The following SMPX variants were observed in gnomAD, a reference collection of about 807,000 sequenced individuals.
SMPX encodes small muscle protein X-linked.
In SMPX, 2 loss-of-function variants were observed where a neutral mutation model predicts 6.3. That is an observed-to-expected ratio of 0.32 (90% confidence interval 0.13 to 0.99). The LOEUF (loss-of-function observed/expected upper bound fraction) is 0.99. Among genes scored for constraint, SMPX ranks in the 50% least tolerant of loss-of-function variants. The probability of loss-of-function intolerance (pLI) is 0.49; values close to 1 mark genes in which losing one functional copy is unlikely to be tolerated. For missense variants in SMPX, 60 were observed against 66.8 expected (o/e 0.90, Z 0.36); for synonymous variants, 32 against 24.7 (o/e 1.30, Z -0.88).
Position 21,722,993 on chromosome X carries a change from G to C in SMPX, c.*14+14556C>G, listed in dbSNP as rs771687698. Among the ~76,000 whole-genome samples, 18 of 111,883 alleles carry C rather than the reference G, an allele frequency of 1.6e-4. No homozygotes were observed. In the South Asian group the frequency reaches 5.3e-3, roughly 33 times the overall value. ...CTTAGTATATATAAATTTCAGCAAA[G>C]AAATCTGACCAAGCTTCTCACTGTA... On this transcript the variant is annotated intron_variant, in intron 4 of 4. Transcript: ENST00000379494.
intron 4 of SMPX, among the ~76,000 whole-genome samples, chrX:21,720,783 A>G (rs768936734): frequency 3.6e-4 from 41 of 112,561 alleles, no homozygotes; most frequent in Admixed American, 1.3e-3. Flanking sequence ...TGGGCAACAC[A>G]GCTGGCTGAC....
chrX:21,724,750 G>C lies in SMPX; in HGVS notation c.*14+12799C>G, dbSNP rs1170452795. 2.7e-5 allele frequency among the ~76,000 whole-genome samples: 3 copies of C among 111,947 alleles called. No homozygotes were observed. The Admixed American group carries it at 2.8e-4, about 11-fold the overall frequency. On this transcript the variant is annotated intron_variant, in intron 4 of 4. Coordinates refer to ENST00000379494, the MANE Select transcript of SMPX (RefSeq NM_014332.3). ...TCTTAAAATGAACCTTCTCTGGAGG[G>C]AGAAGACAATACAACCCACAATCTT... is the stretch of plus-strand genomic sequence containing the variant.
chrX:21,735,355 A>C (rs887943602), intron 4 of SMPX, among the ~76,000 whole-genome samples: 4 of 112,581 alleles, frequency 3.6e-5, no homozygotes, highest in African/African-American at 1.3e-4. Context: ...TACCCTGACA[A>C]CTTAGATTTT....
intron 4 of SMPX, among the ~76,000 whole-genome samples, chrX:21,727,783 A>C (rs73453555): frequency 0.045 from 5,064 of 112,211 alleles, 145 homozygotes; most frequent in East Asian, 0.17. Context: ...GTTCACAGGC[A>C]GGGAGCAGTG....
At chrX:21,713,230 G>A (rs1487984677) in intron 4 of SMPX, among the ~76,000 whole-genome samples, 1 of 111,976 alleles carries the variant, frequency 8.9e-6, no homozygotes, top group Non-Finnish European at 1.9e-5. Flanking sequence ...TAGAGTTTTG[G>A]TATTGCTCCT....
intron 4 of SMPX, among the ~76,000 whole-genome samples, chrX:21,722,480 G>A (rs900771371): frequency 1.8e-5 from 2 of 111,832 alleles, no homozygotes; most frequent in Non-Finnish European, 3.8e-5. Flanking sequence ...AATCTAGAAC[G>A]ATCTCAAAAA....
At chrX:21,745,845 G>A (rs1307442783) in intron 2 of SMPX, among the ~76,000 whole-genome samples, 2 of 111,762 alleles carry the variant, frequency 1.8e-5, no homozygotes, top group Admixed American at 1.9e-4. Context: ...AAGTATATAT[G>A]CTCTATGGTA....
chrX:21,745,936 A>G (rs923916436), intron 2 of SMPX, among the ~76,000 whole-genome samples: 6 of 111,967 alleles, frequency 5.4e-5, no homozygotes, highest in African/African-American at 1.9e-4. Flanking sequence ...CAAGATGACT[A>G]CTTTTCCTGT....
intron 3 of SMPX, among the ~76,000 whole-genome samples, chrX:21,742,282 T>A (rs191900282): frequency 2.6e-4 from 29 of 112,337 alleles, no homozygotes; most frequent in African/African-American, 8.4e-4. Flanking sequence ...TGCCTTTTCC[T>A]TACAACATGC....
chrX:21,713,596 C>T (rs906733802), intron 4 of SMPX, among the ~76,000 whole-genome samples: 5 of 111,180 alleles, frequency 4.5e-5, no homozygotes, highest in African/African-American at 1.6e-4. Context: ...TTTATCAAAC[C>T]ATGAGATCTC....
Position 21,737,670 on chromosome X carries a change from TCTC to T in SMPX, c.157_159del (p.Glu53del), listed in dbSNP as rs1470284288. 2 of 1,210,648 alleles carry T rather than the reference TCTC, an allele frequency of 1.7e-6. No individual in the cohort carries two copies. The highest frequency in any genetic ancestry group is 2.2e-6 in the Non-Finnish European group (2 of 894,537). On this transcript the variant is annotated inframe_deletion, in exon 4 of 5. Transcript: ENST00000379494. ...TTCTTCGCTCCTGGAATTGGCTTCT[TCTC>T]CTCATCCGAGGTGGGAGGAACACCC...
At chrX:21,746,050 C>T (rs1040072148) in intron 2 of SMPX, among the ~76,000 whole-genome samples, 1 of 111,671 alleles carries the variant, frequency 9.0e-6, no homozygotes, top group African/African-American at 3.3e-5. Context: ...GCTACAAGTT[C>T]TCTGTGCTTG....
At chrX:21,743,346 C>T (rs1356350659) in intron 3 of SMPX, among the ~76,000 whole-genome samples, 1 of 111,334 alleles carries the variant, frequency 9.0e-6, no homozygotes, top group Non-Finnish European at 1.9e-5. Context: ...CAAGTGAAAA[C>T]TTACCAATCT....
chrX:21,715,303 T>TGTGTGTGCGC (rs1175730294), intron 4 of SMPX, among the ~76,000 whole-genome samples: 120 of 86,055 alleles, frequency 1.4e-3, no homozygotes, highest in African/African-American at 7.0e-3. Context: ...TGTGTGTGTG[T>TGTGTGTGCGC]GCGCGCACGC....
chrX:21,736,758 A>G (rs2092810874), intron 4 of SMPX, among the ~76,000 whole-genome samples: 1 of 111,225 alleles, frequency 9.0e-6, no homozygotes, highest in Non-Finnish European at 1.9e-5. Flanking sequence ...AATAGATTGT[A>G]CATTGCGGGC....
chrX:21,714,875 A>G (rs1008824267), intron 4 of SMPX, among the ~76,000 whole-genome samples: 14 of 112,193 alleles, frequency 1.2e-4, no homozygotes, highest in African/African-American at 4.5e-4. Context: ...TCCAATTTAC[A>G]TGGGCTCTTT....
intron 4 of SMPX, among the ~76,000 whole-genome samples, chrX:21,733,083 C>T (rs2092806675): frequency 9.0e-6 from 1 of 111,642 alleles, no homozygotes; most frequent in African/African-American, 3.3e-5. Flanking sequence ...ACCGAGCAGA[C>T]TAAGATAAGG....
chrX:21,718,423 G>A (rs2092787729), intron 4 of SMPX, among the ~76,000 whole-genome samples: 1 of 112,208 alleles, frequency 8.9e-6, no homozygotes, highest in African/African-American at 3.2e-5. Context: ...AAGCATTTCA[G>A]TTCCAGATCT....
intron 4 of SMPX, among the ~76,000 whole-genome samples, chrX:21,732,489 A>G (rs1164253300): frequency 8.9e-6 from 1 of 112,136 alleles, no homozygotes; most frequent in East Asian, 2.8e-4. Context: ...CCCTAAGATT[A>G]CAAGGACTTG....
Sources: allele counts gnomAD v4.1 joint callset (sites outside exome capture counted in the v4.1 genomes callset), GRCh38; gene constraint gnomAD v4.1.1; transcripts MANE v1.5; gene names NCBI Gene and HGNC (gene_info 2026-07-23, HGNC 2026-07-21).